The following PSPC1 variants were observed in gnomAD, a reference collection of about 807,000 sequenced individuals.
PSPC1 encodes paraspeckle component 1, also known as paraspeckle protein 1.
In PSPC1, 14 loss-of-function variants were observed where a neutral mutation model predicts 51.6. The ratio of observed to expected loss-of-function variants is 0.27; its 90% CI spans 0.18 to 0.42. PSPC1 has a LOEUF of 0.42. Among genes scored for constraint, PSPC1 ranks in the 10% least tolerant of loss-of-function variants. PSPC1 has a pLI of 1.00. For missense variants in PSPC1, 406 were observed against 701.1 expected (o/e 0.58, Z 4.75); for synonymous variants, 193 against 231.9 (o/e 0.83, Z 1.53).
At chr13:19,691,081 C>T (rs1280009438) in intron 6 of PSPC1, among the ~76,000 whole-genome samples, 1 of 152,196 alleles carries the variant, frequency 6.6e-6, no homozygotes, top group Non-Finnish European at 1.5e-5. Context: ...AAACAATCTG[C>T]AATACTCATC....
chr13:19,763,137 A>G (rs149515953), intron 2 of PSPC1, among the ~76,000 whole-genome samples: 87 of 151,620 alleles, frequency 5.7e-4, no homozygotes, highest in African/African-American at 2.1e-3. Context: ...AATTCTGTTT[A>G]CCATAGGTAT....
At chr13:19,684,542 T>C (rs764418077) in intron 6 of PSPC1, among the ~76,000 whole-genome samples, 2 of 152,218 alleles carry the variant, frequency 1.3e-5, no homozygotes, top group Non-Finnish European at 2.9e-5. Context: ...CGTAAAACCA[T>C]TTAAAAAATA....
intron 6 of PSPC1, among the ~76,000 whole-genome samples, chr13:19,685,103 C>T (rs1048284186): frequency 2.6e-5 from 4 of 152,148 alleles, no homozygotes; most frequent in Non-Finnish European, 4.4e-5. Flanking sequence ...TAAGGAAAGC[C>T]GTAACATGTA....
At chr13:19,720,659 CT>C (rs1882652365) in intron 6 of PSPC1, among the ~76,000 whole-genome samples, 1 of 152,050 alleles carries the variant, frequency 6.6e-6, no homozygotes, top group Non-Finnish European at 1.5e-5. Context: ...ATAAAACAAA[CT>C]ACTGTAACAA....
chr13:19,688,007 C>A (rs981831341), intron 6 of PSPC1, among the ~76,000 whole-genome samples: 2 of 152,006 alleles, frequency 1.3e-5, no homozygotes, highest in Non-Finnish European at 2.9e-5. Flanking sequence ...CGTATCTACT[C>A]CCCGAAACAG....
intron 6 of PSPC1, among the ~76,000 whole-genome samples, chr13:19,712,459 T>G (rs889686167): frequency 1.6e-4 from 24 of 152,230 alleles, no homozygotes; most frequent in African/African-American, 5.8e-4. Context: ...CTTTCTAGAA[T>G]AGTGCAAGCT....
At chr13:19,747,008 T>C (rs1886063831) in intron 4 of PSPC1, among the ~76,000 whole-genome samples, 1 of 152,060 alleles carries the variant, frequency 6.6e-6, no homozygotes, top group Non-Finnish European at 1.5e-5. Flanking sequence ...CTCAAGAGGC[T>C]GAGGCAGGAG....
chr13:19,698,748 G>A (rs989055561), downstream of PSPC1, among the ~76,000 whole-genome samples: 3 of 152,050 alleles, frequency 2.0e-5, no homozygotes, highest in African/African-American at 7.2e-5. Context: ...ATCTTTCGCA[G>A]AGGAGGGAAC....
chr13:19,674,225 G>A (rs985079372), downstream of PSPC1, among the ~76,000 whole-genome samples: 3 of 152,200 alleles, frequency 2.0e-5, no homozygotes, highest in African/African-American at 7.2e-5. Flanking sequence ...GGCTGTAGCA[G>A]AAAGTACATT....
chr13:19,767,746 C>T (rs887305175), intron 2 of PSPC1, among the ~76,000 whole-genome samples: 14 of 151,808 alleles, frequency 9.2e-5, no homozygotes, highest in African/African-American at 3.4e-4. Context: ...TTACGTCACA[C>T]TCAAAATGTA....
In PSPC1 at chr13:19,775,192, C is replaced by T. The variant is rs1199650591; in HGVS notation, c.373-2649G>A. Reference sequence around the variant, plus strand: ...TCTCTACTAAAAATACAAAAAAAAACAAAAACAAAAATTAGCCAGGCATGT... The same window carrying T: ...TCTCTACTAAAAATACAAAAAAAAATAAAAACAAAAATTAGCCAGGCATGT... On this transcript the variant is annotated intron_variant, in intron 1 of 8. Coordinates refer to ENST00000338910, the MANE Select transcript of PSPC1 (RefSeq NM_001354909.2). Among the ~76,000 whole-genome samples, 4 of 151,196 alleles carry T rather than the reference C, an allele frequency of 2.6e-5. No individual in the cohort carries two copies. In the South Asian group the frequency reaches 8.4e-4, roughly 32 times the overall value.
chr13:19,758,727 C>T (rs1002467936), intron 3 of PSPC1, among the ~76,000 whole-genome samples: 3 of 151,490 alleles, frequency 2.0e-5, no homozygotes, highest in South Asian at 2.1e-4. Context: ...CCCAGCTACT[C>T]GGGAGGCTGA....
At chr13:19,709,460 C>T (rs1282673777) in intron 7 of PSPC1, 82 bp downstream of exon 7, 2 of 1,084,124 alleles carry the variant, frequency 1.8e-6, no homozygotes, top group Non-Finnish European at 2.7e-6. Flanking sequence ...TAGTTTCTTA[C>T]TGATATGTAG....
intron 4 of PSPC1, among the ~76,000 whole-genome samples, chr13:19,742,805 A>G (rs1159571036): frequency 1.3e-5 from 2 of 152,156 alleles, no homozygotes. Context: ...GCCTTCAGAG[A>G]CACCAGCAGA....
intron 1 of PSPC1, among the ~76,000 whole-genome samples, chr13:19,774,377 C>T (rs1422620817): frequency 6.6e-6 from 1 of 152,158 alleles, no homozygotes; most frequent in Non-Finnish European, 1.5e-5. Context: ...ATGTTCATGA[C>T]AGCTTGAAAT....
At chr13:19,687,083 T>A (rs149188693) in intron 6 of PSPC1, among the ~76,000 whole-genome samples, 1,915 of 152,208 alleles carry the variant, frequency 0.013, 19 homozygotes, top group Non-Finnish European at 0.021. Flanking sequence ...ATGCCTGTAA[T>A]CCAGCTACTC....
intron 5 of PSPC1, among the ~76,000 whole-genome samples, chr13:19,731,515 G>A (rs1884114528): frequency 6.6e-6 from 1 of 152,170 alleles, no homozygotes; most frequent in Non-Finnish European, 1.5e-5. Flanking sequence ...CCAGGCTCAA[G>A]CAATCCTCCA....
At chr13:19,710,475 A>G (rs1266893844) in intron 6 of PSPC1, among the ~76,000 whole-genome samples, 1 of 152,222 alleles carries the variant, frequency 6.6e-6, no homozygotes, top group Non-Finnish European at 1.5e-5. Context: ...ATCATGAAAA[A>G]CATTCCATTA....
chr13:19,755,959 G>A (rs1219210799), intron 3 of PSPC1, among the ~76,000 whole-genome samples: 9 of 152,226 alleles, frequency 5.9e-5, no homozygotes, highest in Non-Finnish European at 1.3e-4. Context: ...CAAGTGGGCC[G>A]GGCGCAGTGG....
Sources: gnomAD v4.1 joint callset for allele counts (sites outside exome capture counted in the v4.1 genomes callset) on GRCh38, gnomAD v4.1.1 for gene constraint, MANE v1.5 for transcripts, NCBI Gene and HGNC (gene_info 2026-07-23, HGNC 2026-07-21) for gene names.